SYS1: variants seen among roughly 807,000 people sequenced by gnomAD.
SYS1 encodes SYS1 golgi trafficking protein.
SYS1 carries 8 observed loss-of-function variants against 17.8 expected under a neutral mutation model. The observed-to-expected ratio is 0.45, with a 90% CI of 0.26 to 0.81. SYS1 has a LOEUF of 0.81. Ranked by LOEUF, SYS1 falls within the 40% of genes least tolerant of loss-of-function variation. The pLI is 0.16. For missense variants in SYS1, 161 were observed against 203.9 expected (o/e 0.79, Z 1.28); for synonymous variants, 95 against 90.9 (o/e 1.05, Z -0.26).
exon 4 of SYS1, chr20:45,376,361 A>G (rs1313068995): frequency 6.6e-6 from 1 of 152,214 alleles, no homozygotes; most frequent in East Asian, 1.9e-4. Context: ...GATGATAATA[A>G]TGGCTCCCGC....
At chr20:45,375,326 T>C in exon 4 of SYS1, 1 of 1,614,186 alleles carries the variant, frequency 6.2e-7, no homozygotes, top group Middle Eastern at 1.6e-4. Flanking sequence ...CTCGATGTCC[T>C]TGGAACCTCA....
At chr20:45,369,251 T>A (rs1988507312), downstream of SYS1, 1 of 152,202 alleles carries the variant, frequency 6.6e-6, no homozygotes, top group African/African-American at 2.4e-5. Flanking sequence ...ATGTCTCTTT[T>A]CAAAATCTTC....
Position 45,368,237 on chromosome 20 carries a change from C to T in SYS1, c.*1122C>T, listed in dbSNP as rs1988481566. On this transcript the variant is annotated 3_prime_UTR_variant, in exon 4 of 4. Coordinates refer to ENST00000243918, the MANE Select transcript of SYS1 (RefSeq NM_033542.4). ...CCCTTTCCTGGACCCCAGAGTCATT[C>T]CTCCATTTGGTTAAAATACTCAGTG... 1 of 985,324 alleles carries T rather than the reference C, an allele frequency of 1.0e-6. No homozygotes were observed. Among genetic ancestry groups the T allele is most frequent in the Non-Finnish European group, 1.2e-6 (1 of 829,936 alleles). 61.0% of individuals were successfully genotyped at this position (985,324 alleles called of 1,614,324 possible).
chr20:45,374,494 A>T, exon 4 of SYS1: 1 of 528,880 alleles, frequency 1.9e-6, no homozygotes, highest in Non-Finnish European at 3.3e-6. Flanking sequence ...ATGGTCTTGA[A>T]CTCCTGGCCT....
chr20:45,367,093 C>T lies in SYS1; in HGVS notation c.449C>T (p.Ser150Leu). ...RTELKEIPLN[S>L]APKSNV ...GAGCTCAAGGAGATACCCCTCAACT[C>T]AGCCCCTAAATCCAATGTCTAGAAT... The change falls in exon 4 of 4, where the codon TCA becomes TTA. Residue 150 changes from serine (S) to leucine (L), a missense_variant. Ser to Leu is a moderately radical substitution (Grantham distance 145, BLOSUM62 -2). Coordinates refer to ENST00000243918, the MANE Select transcript of SYS1 (RefSeq NM_033542.4). 6.2e-7 allele frequency: 1 copy of T among 1,614,214 alleles called. No homozygotes were observed. The highest frequency in any genetic ancestry group is 1.1e-5 in the South Asian group (1 of 91,080).
At chr20:45,365,277 G>A in intron 2 of SYS1, 1 of 395,334 alleles carries the variant, frequency 2.5e-6, no homozygotes, top group Non-Finnish European at 4.8e-6. Flanking sequence ...AAAACCTTAT[G>A]TACAGGAGCA....
At chr20:45,363,075 A>C (rs963003444), upstream of SYS1, 28 of 989,372 alleles carry the variant, frequency 2.8e-5, no homozygotes, top group African/African-American at 4.9e-4. Flanking sequence ...TACCTGGTTC[A>C]GGAGGTTCAG....
exon 4 of SYS1, chr20:45,375,925 A>C: frequency 1.1e-5 from 2 of 189,218 alleles, no homozygotes; most frequent in Non-Finnish European, 1.1e-5. Flanking sequence ...TCTCAATGTC[A>C]CCTCCCCTGA....
chr20:45,365,739 A>G (rs1568917385), intron 3 of SYS1, 53 bp downstream of exon 3: 2 of 1,555,604 alleles, frequency 1.3e-6, no homozygotes, highest in South Asian at 1.1e-5. Context: ...TGCTGGGACT[A>G]ACTTCCTAAG....
downstream of SYS1, chr20:45,373,471 C>T (rs1056036874): frequency 4.1e-5 from 9 of 219,796 alleles, no homozygotes; most frequent in African/African-American, 1.6e-4. Flanking sequence ...CCGCCTGCCT[C>T]GTGACTTCTG....
chr20:45,375,177 C>T (rs146225469), exon 4 of SYS1: 2 of 1,614,176 alleles, frequency 1.2e-6, no homozygotes, highest in Non-Finnish European at 1.7e-6. Flanking sequence ...GCCCCTCAAA[C>T]CAGATCCACT....
Position 45,363,160 on chromosome 20 carries a change from C to T in SYS1, c.-159C>T. ...CTGCTTTCCCCGGAAACGTTTCTTT[C>T]CTACGCAGCCGCTCCTGCCGCCGTG... On this transcript the variant is annotated 5_prime_UTR_variant, in exon 1 of 4. Coordinates refer to ENST00000243918, the MANE Select transcript of SYS1 (RefSeq NM_033542.4). 9.7e-7 allele frequency: 1 copy of T among 1,034,172 alleles called. No homozygotes were observed. The highest frequency in any genetic ancestry group is 1.2e-6 in the Non-Finnish European group (1 of 858,830). The allele number at this position is 1,034,172 out of a possible 1,614,324, so 64.1% of individuals were successfully genotyped here. A position where few individuals can be genotyped will look rare whatever the true frequency, so the allele number is the denominator to read the frequency against.
In SYS1 at chr20:45,367,413, C is replaced by T. The variant is rs1600748626; in HGVS notation, c.*298C>T. On this transcript the variant is annotated 3_prime_UTR_variant, in exon 4 of 4. Transcript: ENST00000243918. ...ACTCTTGAGCCACAATACCTGTCACCAGCCTGTTGTTTTAAGAGAGAAAAA... is the reference window on the plus strand; with the variant it reads ...ACTCTTGAGCCACAATACCTGTCACTAGCCTGTTGTTTTAAGAGAGAAAAA... 2 of 1,208,840 alleles carry T rather than the reference C, an allele frequency of 1.7e-6. No homozygotes were observed. Among genetic ancestry groups the T allele is most frequent in the East Asian group, 8.9e-5 (2 of 22,486 alleles). The allele number at this position is 1,208,840 out of a possible 1,614,324, so 74.9% of individuals were successfully genotyped here.
At chr20:45,376,561 G>A (rs1454615554) in exon 4 of SYS1, 1 of 152,216 alleles carries the variant, frequency 6.6e-6, no homozygotes, top group Non-Finnish European at 1.5e-5. Context: ...TAACCTCTCA[G>A]AGCCTTAGCT....
chr20:45,363,246 G>C lies in SYS1; in HGVS notation c.-73G>C, dbSNP rs968221843. The C allele has an allele frequency of 2.5e-6, 3 of 1,193,928 alleles. No homozygotes were observed. The African/African-American group carries it at 4.7e-5, about 19-fold the overall frequency. 74.0% of individuals were successfully genotyped at this position (1,193,928 alleles called of 1,614,324 possible). ...CTCTCCTCCATGGTCCTGTCTGTCAGCGCTGTTTTGGGAGCCCGCCGGTGA... is the reference window on the plus strand; with the variant it reads ...CTCTCCTCCATGGTCCTGTCTGTCACCGCTGTTTTGGGAGCCCGCCGGTGA... On this transcript the variant is annotated 5_prime_UTR_variant, in exon 1 of 4. Transcript: ENST00000243918.
chr20:45,362,125 C>A, upstream of SYS1: 1 of 679,300 alleles, frequency 1.5e-6, no homozygotes, highest in African/African-American at 1.9e-5. Context: ...ATAGATAAAA[C>A]AGTCATGGCA....
rs776016913 is a variant in SYS1, at chr20:45,367,130, G to A, written c.*15G>A. On this transcript the variant is annotated 3_prime_UTR_variant, in exon 4 of 4. Coordinates refer to ENST00000243918, the MANE Select transcript of SYS1 (RefSeq NM_033542.4). ...CCAATGTCTAGAATCAGGCCCTTTG[G>A]ACATCCTGCTGACACTTGGGCCCCT... 6.2e-7 allele frequency: 1 copy of A among 1,613,674 alleles called. No homozygotes were observed. Among genetic ancestry groups the A allele is most frequent in the East Asian group, 2.2e-5 (1 of 44,880 alleles).
intron 2 of SYS1, among the ~76,000 whole-genome samples, chr20:45,364,465 C>CTTTTTT (rs386393831): frequency 1.0e-3 from 83 of 80,126 alleles, no homozygotes; most frequent in African/African-American, 1.5e-3. Context: ...GAGCACAGTT[C>CTTTTTT]TTTTTTTTTT....
downstream of SYS1, among the ~76,000 whole-genome samples, chr20:45,370,115 G>T (rs1261837034): frequency 1.3e-5 from 2 of 151,750 alleles, no homozygotes; most frequent in Non-Finnish European, 2.9e-5. Context: ...CATAGAGACG[G>T]GGTTTCATCA....
Sources: allele counts gnomAD v4.1 joint callset (sites outside exome capture counted in the v4.1 genomes callset), GRCh38; gene constraint gnomAD v4.1.1; transcripts MANE v1.5; gene names NCBI Gene and HGNC (gene_info 2026-07-23, HGNC 2026-07-21).